The following KCNJ1 variants were observed in gnomAD, a reference collection of about 807,000 sequenced individuals.
The protein encoded by KCNJ1 is potassium inwardly rectifying channel subfamily J member 1, also known as ATP-sensitive inward rectifier potassium channel 1.
A neutral mutation model predicts 21.9 loss-of-function variants in KCNJ1; 24 were observed. The observed-to-expected ratio is 1.10, with a 90% CI of 0.79 to 1.54. KCNJ1 has a LOEUF of 1.54. Ranked by LOEUF, KCNJ1 falls within the 40% of genes most tolerant of loss-of-function variation. The pLI, the probability that KCNJ1 is intolerant of heterozygous loss-of-function variation, is 0.00. For synonymous variants in KCNJ1, 152 were observed against 160.9 expected (o/e 0.94, Z 0.42); for missense variants, 457 against 455.4 (o/e 1.00, Z -0.03).
At chr11:128,864,701 T>C (rs1943786040) in intron 1 of KCNJ1, among the ~76,000 whole-genome samples, 1 of 152,166 alleles carries the variant, frequency 6.6e-6, no homozygotes, top group South Asian at 2.1e-4. Context: ...GAAAAGGGTC[T>C]GTGCCATTCA....
At chr11:128,856,331 G>C (rs868634217) in intron 1 of KCNJ1, among the ~76,000 whole-genome samples, 5 of 152,210 alleles carry the variant, frequency 3.3e-5, no homozygotes, top group South Asian at 2.1e-4. Context: ...TTCCAGACCC[G>C]GAGGCAACCA....
intron 1 of KCNJ1, among the ~76,000 whole-genome samples, chr11:128,860,301 C>A (rs1943680846): frequency 6.6e-6 from 1 of 152,180 alleles, no homozygotes; most frequent in East Asian, 1.9e-4. Flanking sequence ...GAACTGTTGA[C>A]TAGACAGGCC....
At chr11:128,844,846 A>G (rs2855792) in intron 2 of KCNJ1, among the ~76,000 whole-genome samples, 1 of 130,026 alleles carries the variant, frequency 7.7e-6, no homozygotes, top group Admixed American at 7.3e-5. Flanking sequence ...ATAGAAATGG[A>G]AAAAAAAAAA....
intron 2 of KCNJ1, among the ~76,000 whole-genome samples, chr11:128,841,896 C>T (rs1280059905): frequency 6.6e-6 from 1 of 152,136 alleles, no homozygotes; most frequent in Non-Finnish European, 1.5e-5. Flanking sequence ...CCCACACTGC[C>T]CTCACTGACC....
intron 2 of KCNJ1, chr11:128,842,361 ATT>A: frequency 1.2e-6 from 2 of 1,613,640 alleles, no homozygotes; most frequent in Non-Finnish European, 1.7e-6. Flanking sequence ...CAGAGAGGTG[ATT>A]TCCCCAGCCT....
intron 1 of KCNJ1, among the ~76,000 whole-genome samples, chr11:128,855,108 A>G (rs1943562448): frequency 6.6e-6 from 1 of 152,186 alleles, no homozygotes; most frequent in Admixed American, 6.5e-5. Flanking sequence ...AACAAAAAAT[A>G]GTTGCTAAGA....
chr11:128,860,831 T>C (rs768026244), intron 1 of KCNJ1, among the ~76,000 whole-genome samples: 1 of 152,184 alleles, frequency 6.6e-6, no homozygotes, highest in Non-Finnish European at 1.5e-5. Context: ...TTACCAGCTA[T>C]GTGACAGGGG....
intron 2 of KCNJ1, chr11:128,842,455 C>G (rs772189074): frequency 1.1e-5 from 17 of 1,613,432 alleles, no homozygotes; most frequent in Middle Eastern, 1.6e-4. Flanking sequence ...GGTTGTTGGT[C>G]TTTCTATGCA....
chr11:128,850,807 G>A lies in KCNJ1; in HGVS notation c.-108C>T, dbSNP rs1943467372. 1 of 985,320 alleles carries A rather than the reference G, an allele frequency of 1.0e-6. No individual in the cohort carries two copies. Among genetic ancestry groups the A allele is most frequent in the Non-Finnish European group, 1.2e-6 (1 of 829,924 alleles). The allele number at this position is 985,320 out of a possible 1,614,324, so 61.0% of individuals were successfully genotyped here. On this transcript the variant is annotated 5_prime_UTR_variant, in exon 2 of 3. Transcript: ENST00000392666. The stretch of plus-strand genomic sequence containing the variant: ...TGACCAGCAAGAGCTGCTTGGTTTG[G>A]GATTCCACCTGTGGGGCTCAGAACT...
chr11:128,849,238 A>T (rs1591412093), intron 2 of KCNJ1, among the ~76,000 whole-genome samples: 1 of 152,270 alleles, frequency 6.6e-6, no homozygotes, highest in East Asian at 1.9e-4. Context: ...AAGAATCTAG[A>T]TCTTCCCAAC....
At chr11:128,865,434 T>C (rs1943800716) in intron 1 of KCNJ1, among the ~76,000 whole-genome samples, 1 of 151,806 alleles carries the variant, frequency 6.6e-6, no homozygotes, top group South Asian at 2.1e-4. Context: ...ACACAATGAG[T>C]TCTAATTACA....
intron 2 of KCNJ1, 32 bp downstream of exon 2, chr11:128,850,689 A>G (rs924468911): frequency 2.1e-6 from 2 of 967,926 alleles, no homozygotes; most frequent in African/African-American, 3.5e-5. Context: ...TGGGGTGTCC[A>G]ATAGTTGCTT....
At chr11:128,855,151 T>C (rs1230436565) in intron 1 of KCNJ1, among the ~76,000 whole-genome samples, 6 of 152,218 alleles carry the variant, frequency 3.9e-5, no homozygotes, top group Admixed American at 3.9e-4. Flanking sequence ...CTGGAGCTCA[T>C]TGTGAGCTGT....
chr11:128,838,868 A>G lies in KCNJ1; in HGVS notation c.*257T>C. ...CCACCTTATATGAGCTCAAATAATC[A>G]TATTTAAGATTTCAAGAGAGCACCT... On this transcript the variant is annotated 3_prime_UTR_variant, in exon 3 of 3. Transcript: ENST00000392666. 2.0e-6 allele frequency: 1 copy of G among 512,616 alleles called. No individual in the cohort carries two copies. The highest frequency in any genetic ancestry group is 3.5e-6 in the Non-Finnish European group (1 of 287,590). 31.8% of individuals were successfully genotyped at this position (512,616 alleles called of 1,614,324 possible). A position where few individuals can be genotyped will look rare whatever the true frequency, so the allele number is the denominator to read the frequency against.
intron 1 of KCNJ1, among the ~76,000 whole-genome samples, chr11:128,853,087 G>A (rs1447555702): frequency 1.3e-5 from 2 of 152,172 alleles, no homozygotes; most frequent in Non-Finnish European, 2.9e-5. Flanking sequence ...CAAAAGAAGC[G>A]TTTCAGTCTC....
intron 2 of KCNJ1, 47 bp from the exon 3 acceptor site, chr11:128,840,311 A>G (rs1943262670): frequency 1.3e-6 from 2 of 1,570,882 alleles, no homozygotes; most frequent in Non-Finnish European, 8.8e-7. Flanking sequence ...GTTTATAGCA[A>G]TAGTGAACTA....
chr11:128,839,225 A>C lies in KCNJ1; in HGVS notation c.1019T>G (p.Leu340Arg), dbSNP rs201176686. ...EVETPHCAMC[L>R]YNEKDVRARM... Reference sequence around the variant, plus strand: ...GGCTCTAACATCTTTCTCATTATAAAGGCACATGGCACAGTGAGGGGTCTC... The same window carrying C: ...GGCTCTAACATCTTTCTCATTATAACGGCACATGGCACAGTGAGGGGTCTC... The change falls in exon 3 of 3, where the codon CTT (leucine) becomes CGT (arginine). Residue 340 changes from leucine (L) to arginine (R), a missense_variant. Coordinates refer to ENST00000392666, the MANE Select transcript of KCNJ1 (RefSeq NM_153766.3). 83 of 1,614,036 alleles carry C rather than the reference A, an allele frequency of 5.1e-5. No homozygotes were observed. The highest frequency in any genetic ancestry group is 5.1e-6 in the Non-Finnish European group (6 of 1,180,018).
intron 1 of KCNJ1, among the ~76,000 whole-genome samples, chr11:128,853,099 A>G (rs1359664043): frequency 6.6e-6 from 1 of 152,260 alleles, no homozygotes; most frequent in Non-Finnish European, 1.5e-5. Flanking sequence ...TTCAGTCTCA[A>G]AGACGTTCCT....
intron 1 of KCNJ1, among the ~76,000 whole-genome samples, chr11:128,863,905 G>C (rs905681239): frequency 6.6e-6 from 1 of 151,974 alleles, no homozygotes; most frequent in Non-Finnish European, 1.5e-5. Context: ...AGATTCTGAC[G>C]AGGCAATGGC....
Sources: allele counts gnomAD v4.1 joint callset (sites outside exome capture counted in the v4.1 genomes callset), GRCh38; gene constraint gnomAD v4.1.1; transcripts MANE v1.5; gene names NCBI Gene and HGNC (gene_info 2026-07-23, HGNC 2026-07-21).